The following DNAH14 variants were observed in gnomAD, a reference collection of about 807,000 sequenced individuals.
DNAH14 encodes the protein dynein axonemal heavy chain 14, also known as axonemal beta dynein heavy chain 14.
DNAH14 carries 478 observed loss-of-function variants against 520.9 expected under a neutral mutation model. The ratio of observed to expected loss-of-function variants is 0.92; its 90% CI spans 0.85 to 0.99. DNAH14 has a LOEUF of 0.99. DNAH14 is among the 50% of genes least tolerant of loss of function. The pLI is 0.00. For synonymous variants in DNAH14, 1,581 were observed against 1,757.2 expected, an observed-to-expected ratio of 0.90 and a Z score of 2.51; for missense variants, 4,831 against 5,234.5, an observed-to-expected ratio of 0.92 and a Z score of 2.38.
Position 225,066,697 on chromosome 1 carries a change from G to A in DNAH14, c.2425-12510G>A, listed in dbSNP as rs562104229. Among the ~76,000 whole-genome samples the A allele has an allele frequency of 7.9e-5, 12 of 151,056 alleles. No individual in the cohort carries two copies. The South Asian group carries it at 1.0e-3, about 13-fold the overall frequency. ...CCAAAGTTTATTATATTGTTCTTAC[G>A]CCTTTGCATCCTTATAGCTTAGCTC... On this transcript the variant is annotated intron_variant, in intron 17 of 85. Coordinates refer to ENST00000682510, the MANE Select transcript of DNAH14 (RefSeq NM_001367479.1).
rs1558438685 is a variant in DNAH14, at chr1:225,335,888, C to CATACACATATGTACATATATGTACAT, written c.10081-1375_10081-1374insCACATATGTACATATATGTACATATA. 1.5e-3 allele frequency among the ~76,000 whole-genome samples: 94 copies of CATACACATATGTACATATATGTACAT among 63,888 alleles called. 18 individuals are homozygous for CATACACATATGTACATATATGTACAT. The highest frequency in any genetic ancestry group is 5.2e-3 in the African/African-American group (79 of 15,290). The allele number at this position is 63,888 out of a possible 152,430, so 41.9% of individuals were successfully genotyped here. A position where few individuals can be genotyped will look rare whatever the true frequency, so the allele number is the denominator to read the frequency against. ...GTACATACACATATACATATATGTA[C>CATACACATATGTACATATATGTACAT]ATATACATACATATATGCATGTATG... On this transcript the variant is annotated intron_variant, in intron 66 of 85. Transcript: ENST00000682510.
At chr1:225,047,044 A>G (rs954977433) in intron 15 of DNAH14, among the ~76,000 whole-genome samples, 1 of 152,166 alleles carries the variant, frequency 6.6e-6, no homozygotes, top group African/African-American at 2.4e-5. Flanking sequence ...AGGAACTAAG[A>G]TCTATGCACT....
chr1:225,029,031 C>G (rs1049508778), intron 11 of DNAH14, among the ~76,000 whole-genome samples: 2 of 151,904 alleles, frequency 1.3e-5, no homozygotes, highest in African/African-American at 4.8e-5. Flanking sequence ...CATAATTGTT[C>G]AAATCTGGAA....
intron 60 of DNAH14, among the ~76,000 whole-genome samples, chr1:225,316,027 CT>C (rs2094461658): frequency 6.6e-6 from 1 of 152,234 alleles, no homozygotes; most frequent in Non-Finnish European, 1.5e-5. Context: ...GGGCTGCTGC[CT>C]TTCTTTCAGA....
At chr1:225,090,058 A>G (rs1558923526) in intron 21 of DNAH14, among the ~76,000 whole-genome samples, 1 of 152,214 alleles carries the variant, frequency 6.6e-6, no homozygotes, top group African/African-American at 2.4e-5. Context: ...ATGTAAAAAA[A>G]TCAAACAAAA....
chr1:225,379,558 C>A (rs2095753483), intron 79 of DNAH14, among the ~76,000 whole-genome samples: 1 of 151,636 alleles, frequency 6.6e-6, no homozygotes. Flanking sequence ...GATAGAGTCT[C>A]GCTCTGTCAC....
Position 225,153,823 on chromosome 1 carries a change from AAT to A in DNAH14, c.5271_5272del (p.Cys1758Ter). On this transcript the variant is annotated frameshift_variant and splice_region_variant, in exon 34 of 86. Coordinates refer to ENST00000682510, the MANE Select transcript of DNAH14 (RefSeq NM_001367479.1). LOFTEE classifies it high-confidence loss of function. ...GCTGGAACGAAGAAACGGGAGTTTA[AAT>A]GGTCAGTTGAATTTTGAATTGTTAG... 6.5e-7 allele frequency: 1 copy of A among 1,549,246 alleles called. No homozygotes were observed. The highest frequency in any genetic ancestry group is 8.7e-7 in the Non-Finnish European group (1 of 1,145,430).
chr1:225,272,889 G>A, intron 51 of DNAH14, 66 bp from the exon 52 acceptor site: 1 of 1,403,860 alleles, frequency 7.1e-7, no homozygotes. Flanking sequence ...CAAAAATTGA[G>A]CCTTCGCTTC....
At chr1:225,258,301 T>C (rs1009960178) in intron 45 of DNAH14, among the ~76,000 whole-genome samples, 183 bp downstream of exon 45, 1 of 152,200 alleles carries the variant, frequency 6.6e-6, no homozygotes, top group African/African-American at 2.4e-5. Flanking sequence ...TTTGCCAAAA[T>C]AGGACATTAT....
At chr1:225,360,531 T>A in intron 74 of DNAH14, 150 bp from the exon 75 acceptor site, 1 of 748,092 alleles carries the variant, frequency 1.3e-6, no homozygotes, top group Non-Finnish European at 2.1e-6. Context: ...GGACCAAAAT[T>A]TAAACTCTGG....
At chr1:225,100,643 G>A (rs2075368532) in intron 22 of DNAH14, 70 bp from the exon 23 acceptor site, 2 of 1,153,958 alleles carry the variant, frequency 1.7e-6, no homozygotes, top group East Asian at 2.8e-5. Context: ...CCGTGGCAAT[G>A]CATTACATTA....
chr1:225,318,740 C>T, intron 61 of DNAH14, 63 bp downstream of exon 61: 1 of 1,432,376 alleles, frequency 7.0e-7, no homozygotes, highest in Non-Finnish European at 9.5e-7. Flanking sequence ...TTCATGTTTA[C>T]TAAGCCTATA....
chr1:224,965,525 T>C (rs1012167742), intron 5 of DNAH14, among the ~76,000 whole-genome samples: 1 of 152,022 alleles, frequency 6.6e-6, no homozygotes, highest in South Asian at 2.1e-4. Context: ...AATACATATA[T>C]AAATGGATGT....
intron 5 of DNAH14, 72 bp downstream of exon 5, chr1:224,964,681 T>C (rs920687869): frequency 4.0e-5 from 51 of 1,278,472 alleles, no homozygotes; most frequent in Middle Eastern, 2.8e-4. Context: ...TTTTATTTCA[T>C]TTCAGATATT....
rs527457666 is a variant in DNAH14, at chr1:225,217,688, G to A, written c.6439+10468G>A. 1.2e-3 allele frequency among the ~76,000 whole-genome samples: 180 copies of A among 152,308 alleles called. 2 individuals carry two copies. Among genetic ancestry groups the A allele is most frequent in the Middle Eastern group, 6.8e-3 (2 of 294 alleles). ...CATTGTGTGAGGCTCCATGGGTGTG[G>A]GACCCTCCGAGCCAGGCGCTGGATA... On this transcript the variant is annotated intron_variant, in intron 41 of 85. Transcript: ENST00000682510.
At chr1:224,939,206 T>A (rs1362957947) in intron 1 of DNAH14, among the ~76,000 whole-genome samples, 1 of 152,236 alleles carries the variant, frequency 6.6e-6, no homozygotes, top group Non-Finnish European at 1.5e-5. Flanking sequence ...ATTTTGAGGA[T>A]ATTAATTTAT....
chr1:225,252,279 A>C, intron 43 of DNAH14, 22 bp from the exon 44 acceptor site: 4 of 1,333,060 alleles, frequency 3.0e-6, no homozygotes, highest in Non-Finnish European at 4.2e-6. Flanking sequence ...TTCTTAGTTG[A>C]ATTTATTATT....
intron 21 of DNAH14, among the ~76,000 whole-genome samples, chr1:225,093,465 C>G (rs1174642452): frequency 6.6e-6 from 1 of 152,028 alleles, no homozygotes; most frequent in Non-Finnish European, 1.5e-5. Context: ...ACAAACTAGG[C>G]TTTCAAGGAA....
intron 84 of DNAH14, among the ~76,000 whole-genome samples, chr1:225,395,524 GGAGCTTGCAGTGAGCA>G (rs2095997118): frequency 6.6e-6 from 1 of 151,548 alleles, no homozygotes; most frequent in Non-Finnish European, 1.5e-5. Context: ...CCCAGGAGGC[GGAGCTTGCAGTGAGCA>G]GAGATCGCGC....
Sources: gnomAD v4.1 joint callset for allele counts (sites outside exome capture counted in the v4.1 genomes callset) on GRCh38, gnomAD v4.1.1 for gene constraint, MANE v1.5 for transcripts, NCBI Gene and HGNC (gene_info 2026-07-23, HGNC 2026-07-21) for gene names.